The following NECAB1 variants were observed in gnomAD, a reference collection of about 807,000 sequenced individuals.
The protein encoded by NECAB1 is N-terminal EF-hand calcium binding protein 1, also known as N-terminal EF-hand calcium-binding protein 1.
In NECAB1, 29 loss-of-function variants were observed where a neutral mutation model predicts 57.5. The observed-to-expected ratio is 0.50, with a 90% CI of 0.38 to 0.69. The LOEUF is 0.69. Among genes scored for constraint, NECAB1 ranks in the 30% least tolerant of loss-of-function variants. NECAB1 has a pLI of 0.00. For missense variants in NECAB1, 372 were observed against 413.8 expected (o/e 0.90, Z 0.88); for synonymous variants, 142 against 147.7 (o/e 0.96, Z 0.28).
chr8:90,797,923 A>G (rs750738866), intron 1 of NECAB1, among the ~76,000 whole-genome samples: 11 of 152,160 alleles, frequency 7.2e-5, no homozygotes, highest in Non-Finnish European at 1.6e-4. Context: ...CAGGTTATAT[A>G]TTGTATTAGT....
At chr8:90,903,120 A>G (rs1276691961) in intron 5 of NECAB1, among the ~76,000 whole-genome samples, 1 of 152,036 alleles carries the variant, frequency 6.6e-6, no homozygotes, top group East Asian at 1.9e-4. Flanking sequence ...TTGGTTTTGA[A>G]AAAACAATAT....
chr8:90,795,641 C>G (rs545418271), intron 1 of NECAB1, among the ~76,000 whole-genome samples: 1 of 151,900 alleles, frequency 6.6e-6, no homozygotes, highest in Admixed American at 6.6e-5. Context: ...AATGAGTCTT[C>G]CAGATGCAAT....
rs544658636 is a variant in NECAB1, at chr8:90,943,455, A to G, written c.860+2557A>G. On this transcript the variant is annotated intron_variant, in intron 10 of 12. Transcript: ENST00000417640. Reference sequence around the variant, plus strand: ...ATCACTACACCCATATGGAATATATATGGTATAGATGTTATGCCAGTGTGT... The same window carrying G: ...ATCACTACACCCATATGGAATATATGTGGTATAGATGTTATGCCAGTGTGT... Among the ~76,000 whole-genome samples, 28 of 152,306 alleles carry G rather than the reference A, an allele frequency of 1.8e-4. 1 individual carries two copies. Among genetic ancestry groups the G allele is most frequent in the Admixed American group, 9.8e-4 (15 of 15,300 alleles).
At chr8:90,902,689 G>A (rs1348393877) in intron 5 of NECAB1, among the ~76,000 whole-genome samples, 1 of 151,988 alleles carries the variant, frequency 6.6e-6, no homozygotes, top group Non-Finnish European at 1.5e-5. Flanking sequence ...AAATAATAAT[G>A]CCAATTGTTC....
At chr8:90,898,087 G>C (rs539201427) in intron 5 of NECAB1, among the ~76,000 whole-genome samples, 1 of 152,038 alleles carries the variant, frequency 6.6e-6, no homozygotes, top group Non-Finnish European at 1.5e-5. Flanking sequence ...CCTCAAATTT[G>C]TTCCTTGCCT....
chr8:90,836,733 G>A (rs1321107316), intron 3 of NECAB1, among the ~76,000 whole-genome samples: 2 of 152,156 alleles, frequency 1.3e-5, no homozygotes, highest in African/African-American at 2.4e-5. Context: ...CAAAAAATTA[G>A]TCATTTGTTC....
chr8:90,876,127 A>G (rs1454791058), intron 4 of NECAB1, among the ~76,000 whole-genome samples: 2 of 152,206 alleles, frequency 1.3e-5, no homozygotes, highest in African/African-American at 4.8e-5. Flanking sequence ...CTGTGCACTA[A>G]GCACCCAGGC....
intron 12 of NECAB1, among the ~76,000 whole-genome samples, chr8:90,951,765 GA>G (rs11370042): frequency 1.3e-5 from 2 of 149,306 alleles, no homozygotes; most frequent in South Asian, 2.1e-4. Context: ...AATTTTAGCA[GA>G]AAAAAAAAAC....
At chr8:90,795,628 C>G (rs934116518) in intron 1 of NECAB1, among the ~76,000 whole-genome samples, 1 of 151,970 alleles carries the variant, frequency 6.6e-6, no homozygotes, top group African/African-American at 2.4e-5. Flanking sequence ...AATGTCGAAG[C>G]CGAATGAGTC....
At chr8:90,934,796 C>A (rs1418223148) in intron 9 of NECAB1, among the ~76,000 whole-genome samples, 1 of 151,962 alleles carries the variant, frequency 6.6e-6, no homozygotes, top group Non-Finnish European at 1.5e-5. Flanking sequence ...AATAATTTTT[C>A]AAAGAATAAA....
chr8:90,846,876 C>A (rs1383746570), intron 3 of NECAB1, among the ~76,000 whole-genome samples: 1 of 152,162 alleles, frequency 6.6e-6, no homozygotes, highest in Non-Finnish European at 1.5e-5. Context: ...ACCCTGGATC[C>A]CTCCCATGAC....
In NECAB1 at chr8:90,801,004, T is replaced by C. The variant is rs182329864; in HGVS notation, c.100-687T>C. Among the ~76,000 whole-genome samples the C allele has an allele frequency of 3.9e-3, 588 of 152,288 alleles. 5 individuals carry two copies. Among genetic ancestry groups the C allele is most frequent in the African/African-American group, 0.013 (549 of 41,558 alleles). ...ACAATTTAAAATACGTCCAAGATAA[T>C]ATGATTAATAAAGTATAAATAAAGT... is the stretch of plus-strand genomic sequence containing the variant. On this transcript the variant is annotated intron_variant, in intron 1 of 12. Coordinates refer to ENST00000417640, the MANE Select transcript of NECAB1 (RefSeq NM_022351.5).
intron 2 of NECAB1, among the ~76,000 whole-genome samples, chr8:90,806,287 C>A (rs1338852765): frequency 6.6e-6 from 1 of 152,140 alleles, no homozygotes; most frequent in Non-Finnish European, 1.5e-5. Context: ...GCAGCCTGCA[C>A]GTATTAAATT....
At chr8:90,853,476 G>GA (rs35176584) in intron 3 of NECAB1, among the ~76,000 whole-genome samples, 42,888 of 151,882 alleles carry the variant, frequency 0.28, 6,825 homozygotes, top group East Asian at 0.64. Context: ...ATTTTAAATA[G>GA]AAAAAAACTG....
At chr8:90,848,057 C>A (rs1205866627) in intron 3 of NECAB1, among the ~76,000 whole-genome samples, 3 of 152,218 alleles carry the variant, frequency 2.0e-5, no homozygotes, top group Admixed American at 2.0e-4. Context: ...ATTGCATTGT[C>A]AGGCTGCAAA....
rs1026973627 is a variant in NECAB1 at position 90,948,523 on chromosome 8, T to G, written c.861-1284T>G. On this transcript the variant is annotated intron_variant, in intron 10 of 12. Coordinates refer to ENST00000417640, the MANE Select transcript of NECAB1 (RefSeq NM_022351.5). ...ATTAATCAACTATTTTACTGCTAAG[T>G]TATGTGTTCTCTTACTGTTAAGTTT... is the stretch of plus-strand genomic sequence containing the variant. Among the ~76,000 whole-genome samples the G allele has an allele frequency of 3.3e-5, 5 of 152,218 alleles. No individual in the cohort carries two copies. The South Asian group carries it at 1.0e-3, about 31-fold the overall frequency.
chr8:90,817,442 T>C (rs961348600), intron 2 of NECAB1, among the ~76,000 whole-genome samples: 1 of 144,626 alleles, frequency 6.9e-6, no homozygotes, highest in Non-Finnish European at 1.5e-5. Context: ...TTAAGTATGA[T>C]GTCAGCTATA....
chr8:90,887,235 G>C (rs954514566), intron 5 of NECAB1, among the ~76,000 whole-genome samples: 1 of 152,074 alleles, frequency 6.6e-6, no homozygotes, highest in Non-Finnish European at 1.5e-5. Flanking sequence ...TTAATGCCCT[G>C]ACTATCTTCT....
In NECAB1 at chr8:90,880,211, A is replaced by C. The variant is rs558482536; in HGVS notation, c.260-822A>C. 9.2e-5 allele frequency among the ~76,000 whole-genome samples: 14 copies of C among 152,314 alleles called. 1 individual carries two copies. In the South Asian group the frequency reaches 2.9e-3, roughly 32 times the overall value. On this transcript the variant is annotated intron_variant, in intron 4 of 12. Coordinates refer to ENST00000417640, the MANE Select transcript of NECAB1 (RefSeq NM_022351.5). Reference sequence around the variant, plus strand: ...TTTAGTTCCACAAATACTGTGGCACATTAAAGAGAGATGGCAATAAACTAC... The same window carrying C: ...TTTAGTTCCACAAATACTGTGGCACCTTAAAGAGAGATGGCAATAAACTAC...
Sources: allele counts gnomAD v4.1 joint callset (sites outside exome capture counted in the v4.1 genomes callset), GRCh38; gene constraint gnomAD v4.1.1; transcripts MANE v1.5; gene names NCBI Gene and HGNC (gene_info 2026-07-23, HGNC 2026-07-21).